Variants in ERBB4 observed in about 807,000 individuals in gnomAD.
ERBB4 encodes the protein receptor tyrosine-protein kinase erbB-4.
In ERBB4, 42 loss-of-function variants were observed where a neutral mutation model predicts 158.0. The ratio of observed to expected loss-of-function variants is 0.27; its 90% CI spans 0.21 to 0.34. ERBB4 has a LOEUF of 0.34. Among genes scored for constraint, ERBB4 ranks in the 10% least tolerant of loss-of-function variants. The probability of loss-of-function intolerance (pLI) is 1.00; values close to 1 mark genes in which losing one functional copy is unlikely to be tolerated. For missense variants in ERBB4, 1,333 were observed against 1,624.1 expected (o/e 0.82, Z 3.08); for synonymous variants, 583 against 558.7 (o/e 1.04, Z -0.61).
rs147022176 is a variant in ERBB4 at position 212,255,186 on chromosome 2, A to G, written c.83-130283T>C. Among the ~76,000 whole-genome samples, 242 of 152,308 alleles carry G rather than the reference A, an allele frequency of 1.6e-3. 1 individual carries two copies. Among genetic ancestry groups the G allele is most frequent in the African/African-American group, 5.4e-3 (224 of 41,580 alleles). On this transcript the variant is annotated intron_variant, in intron 1 of 27. Coordinates refer to ENST00000342788, the MANE Select transcript of ERBB4 (RefSeq NM_005235.3). ...TCTTCATATTACTGAATACTGTACT[A>G]TTAAGAGGAAAAAATAAGAATAATA...
chr2:211,387,851 G>A, intron 26 of ERBB4, 94 bp downstream of exon 26: 1 of 991,410 alleles, frequency 1.0e-6, no homozygotes, highest in Non-Finnish European at 1.6e-6. Context: ...GTTGGCAAAG[G>A]CAAAATGAGG....
intron 2 of ERBB4, chr2:211,960,549 G>A (rs2081154299): frequency 6.6e-6 from 1 of 151,960 alleles, no homozygotes; most frequent in Non-Finnish European, 1.5e-5. Flanking sequence ...TAGTCTGTTC[G>A]GTCTTCTATA....
At chr2:211,940,588 G>A (rs780748984) in intron 3 of ERBB4, among the ~76,000 whole-genome samples, 2 of 152,112 alleles carry the variant, frequency 1.3e-5, no homozygotes, top group African/African-American at 2.4e-5. Flanking sequence ...TCTAAAGGAT[G>A]CTCTAGGGAT....
At chr2:211,550,275 C>G (rs1358701406) in intron 20 of ERBB4, among the ~76,000 whole-genome samples, 1 of 151,918 alleles carries the variant, frequency 6.6e-6, no homozygotes, top group African/African-American at 2.4e-5. Flanking sequence ...ATTTATTCAT[C>G]ATATAACTGC....
chr2:212,098,695 G>A (rs934186796), intron 2 of ERBB4, among the ~76,000 whole-genome samples: 7 of 152,022 alleles, frequency 4.6e-5, no homozygotes, highest in East Asian at 1.9e-4. Flanking sequence ...ATATAATACC[G>A]TTTTATAATG....
intron 2 of ERBB4, among the ~76,000 whole-genome samples, chr2:212,052,291 C>T (rs2077421867): frequency 6.6e-6 from 1 of 152,160 alleles, no homozygotes; most frequent in African/African-American, 2.4e-5. Flanking sequence ...CCAGGGGGGT[C>T]TTGGGCCTTC....
Position 212,373,918 on chromosome 2 carries a change from TATATATATATCC to T in ERBB4, c.82+164519_82+164530del, listed in dbSNP as rs1222682600. Among the ~76,000 whole-genome samples, 2 of 57,304 alleles carry T rather than the reference TATATATATATCC, an allele frequency of 3.5e-5. 1 individual carries two copies. Among genetic ancestry groups the T allele is most frequent in the Non-Finnish European group, 6.4e-5 (2 of 31,134 alleles). The allele number at this position is 57,304 out of a possible 152,430, so 37.6% of individuals were successfully genotyped here. ...ATATATATATCCATGTATATATCCA[TATATATATATCC>T]ATATATATCCATATATATATCATAT... On this transcript the variant is annotated intron_variant, in intron 1 of 27. Coordinates refer to ENST00000342788, the MANE Select transcript of ERBB4 (RefSeq NM_005235.3).
rs937578002 is a variant in ERBB4 at position 211,867,685 on chromosome 2, C to T, written c.422-79526G>A. 2.6e-5 allele frequency among the ~76,000 whole-genome samples: 4 copies of T among 152,116 alleles called. No homozygotes were observed. The South Asian group carries it at 8.3e-4, about 31-fold the overall frequency. The stretch of plus-strand genomic sequence containing the variant: ...CTGGGTGATCATCCTGCCTCAACCT[C>T]CTGAGTAGCTGAGACTATAGGTGTG... On this transcript the variant is annotated intron_variant, in intron 3 of 27. Coordinates refer to ENST00000342788, the MANE Select transcript of ERBB4 (RefSeq NM_005235.3).
At chr2:211,712,873 C>T (rs2073756110) in intron 8 of ERBB4, among the ~76,000 whole-genome samples, 1 of 151,812 alleles carries the variant, frequency 6.6e-6, no homozygotes, top group African/African-American at 2.4e-5. Context: ...GGAGTTTGTC[C>T]TTTTCTAGGG....
intron 1 of ERBB4, among the ~76,000 whole-genome samples, chr2:212,159,940 A>T (rs2125645786): frequency 6.6e-6 from 1 of 152,096 alleles, no homozygotes; most frequent in East Asian, 1.9e-4. Flanking sequence ...AAAAGGAAAA[A>T]CATTATTTTT....
chr2:211,676,452 T>C (rs1396357808), intron 13 of ERBB4, among the ~76,000 whole-genome samples: 1 of 152,222 alleles, frequency 6.6e-6, no homozygotes, highest in Admixed American at 6.5e-5. Flanking sequence ...TAGCTTTCAT[T>C]GTTTTTGTAG....
chr2:211,968,742 A>G (rs932404420), intron 2 of ERBB4, among the ~76,000 whole-genome samples: 1 of 151,948 alleles, frequency 6.6e-6, no homozygotes, highest in Admixed American at 6.6e-5. Context: ...TTCTTACATT[A>G]TGCATTTTCT....
intron 12 of ERBB4, among the ~76,000 whole-genome samples, chr2:211,689,696 A>G (rs2072719575): frequency 6.6e-6 from 1 of 152,194 alleles, no homozygotes; most frequent in African/African-American, 2.4e-5. Flanking sequence ...ATGAATATTA[A>G]GTTACAATAC....
At chr2:212,275,444 G>A (rs998566057) in intron 1 of ERBB4, among the ~76,000 whole-genome samples, 17 of 151,846 alleles carry the variant, frequency 1.1e-4, no homozygotes, top group African/African-American at 3.9e-4. Context: ...GTTGTTTCCT[G>A]ACTTTTTAAT....
intron 1 of ERBB4, among the ~76,000 whole-genome samples, chr2:212,352,600 GC>G (rs1287955936): frequency 1.3e-5 from 2 of 152,108 alleles, no homozygotes; most frequent in Non-Finnish European, 2.9e-5. Context: ...AGGTGTGGTG[GC>G]TCATGCCTGT....
At chr2:212,045,004 A>G (rs556442180) in intron 2 of ERBB4, among the ~76,000 whole-genome samples, 3 of 152,304 alleles carry the variant, frequency 2.0e-5, no homozygotes, top group African/African-American at 7.2e-5. Flanking sequence ...CAGTTAACAT[A>G]ATAGCCATCA....
At chr2:211,716,721 A>AC (rs1491385449) in intron 7 of ERBB4, among the ~76,000 whole-genome samples, 6 of 29,148 alleles carry the variant, frequency 2.1e-4, no homozygotes, top group East Asian at 1.9e-3. Context: ...AAAAAAAAAC[A>AC]AAAAAAAAAG....
At chr2:211,813,954 C>T (rs987661641) in intron 3 of ERBB4, among the ~76,000 whole-genome samples, 22 of 151,644 alleles carry the variant, frequency 1.5e-4, no homozygotes, top group African/African-American at 4.6e-4. Context: ...ATATAAAATG[C>T]CAAATATTGA....
At chr2:212,429,192 C>G (rs1345469599) in intron 1 of ERBB4, 2 of 152,270 alleles carry the variant, frequency 1.3e-5, no homozygotes, top group Non-Finnish European at 2.9e-5. Flanking sequence ...CAATGACCTT[C>G]CCTTGAAAGA....
Sources: allele counts gnomAD v4.1 joint callset (sites outside exome capture counted in the v4.1 genomes callset), GRCh38; gene constraint gnomAD v4.1.1; transcripts MANE v1.5; gene names NCBI Gene and HGNC (gene_info 2026-07-23, HGNC 2026-07-21).